KCNA2: variants seen among roughly 807,000 people sequenced by gnomAD.
The protein encoded by KCNA2 is potassium channel, voltage gated shaker related subfamily A, member 2.
A neutral mutation model predicts 33.4 loss-of-function variants in KCNA2; 11 were observed. The ratio of observed to expected loss-of-function variants is 0.33; its 90% CI spans 0.21 to 0.55. KCNA2 has a LOEUF of 0.55. Ranked by LOEUF, KCNA2 falls within the 20% of genes least tolerant of loss-of-function variation. KCNA2 has a pLI of 0.93. For synonymous variants in KCNA2, 222 were observed against 231.3 expected (o/e 0.96, Z 0.37); for missense variants, 291 against 621.6 (o/e 0.47, Z 5.66).
chr1:110,622,549 A>T (rs1650286606), intron 1 of KCNA2, among the ~76,000 whole-genome samples: 1 of 152,130 alleles, frequency 6.6e-6, no homozygotes, highest in African/African-American at 2.4e-5. Flanking sequence ...AAGAAGCAAA[A>T]TTATCTTTAT....
In KCNA2 at chr1:110,631,421, C is replaced by T. The variant is rs61784718; in HGVS notation, c.-522G>A. On this transcript the variant is annotated 5_prime_UTR_variant, in exon 1 of 5. Transcript: ENST00000369770. The stretch of plus-strand genomic sequence containing the variant: ...AACTTGAAAGCCCAGCGGAGGCTCT[C>T]CTGCAGAAGTCTTGGCGCTGGAAAC... 9.8e-3 allele frequency: 1,494 copies of T among 152,432 alleles called. 13 individuals are homozygous for T. The highest frequency in any genetic ancestry group is 0.024 in the Middle Eastern group (7 of 294). 9.4% of individuals were successfully genotyped at this position (152,432 alleles called of 1,614,324 possible). A position where few individuals can be genotyped will look rare whatever the true frequency, so the allele number is the denominator to read the frequency against.
chr1:110,597,383 G>A lies in KCNA2; in HGVS notation c.*5900C>T, dbSNP rs1649140054. On this transcript the variant is annotated 3_prime_UTR_variant, in exon 3 of 3. Transcript: ENST00000316361. ...ATTACATCTGCCAGACTGAGGGAAA[G>A]TCAACAAAATGGGCTGAAAAGGTCA... The A allele has an allele frequency of 1.0e-6, 1 of 985,340 alleles. No homozygotes were observed. The highest frequency in any genetic ancestry group is 1.2e-6 in the Non-Finnish European group (1 of 829,954). 61.0% of individuals were successfully genotyped at this position (985,340 alleles called of 1,614,324 possible).
chr1:110,618,305 C>G (rs1650137523), intron 1 of KCNA2, among the ~76,000 whole-genome samples: 1 of 152,220 alleles, frequency 6.6e-6, no homozygotes, highest in Non-Finnish European at 1.5e-5. Flanking sequence ...TATGATCGTG[C>G]CACTGCACTC....
At chr1:110,606,193 A>G (rs1305554443) in intron 1 of KCNA2, 35 bp downstream of exon 1, 1 of 152,548 alleles carries the variant, frequency 6.6e-6, no homozygotes. Context: ...CCCACACAAC[A>G]AAGTCTGCAC....
At chr1:110,612,242 G>A (rs1239412605) in intron 1 of KCNA2, among the ~76,000 whole-genome samples, 1 of 152,184 alleles carries the variant, frequency 6.6e-6, no homozygotes, top group African/African-American at 2.4e-5. Flanking sequence ...AAATGTGTCA[G>A]GTGATCTCAT....
intron 1 of KCNA2, among the ~76,000 whole-genome samples, chr1:110,620,097 A>T (rs369696244): frequency 2.6e-4 from 36 of 139,214 alleles, no homozygotes; most frequent in Non-Finnish European, 5.1e-4. Context: ...AGTGAGTGAG[A>T]GAGAGAGAGA....
chr1:110,617,728 G>A (rs1209759694), intron 1 of KCNA2, among the ~76,000 whole-genome samples: 1 of 152,194 alleles, frequency 6.6e-6, no homozygotes, highest in East Asian at 1.9e-4. Flanking sequence ...AGATGGGAGA[G>A]GGAGAGAGAG....
Position 110,599,484 on chromosome 1 carries a change from G to A in KCNA2, c.*3799C>T, listed in dbSNP as rs548273951. ...GCCCAACAAGAGGAAAAGGAAGAGC[G>A]TGCCCGGGATTGAACACACCCAGAG... On this transcript the variant is annotated 3_prime_UTR_variant, in exon 3 of 3. Coordinates refer to ENST00000316361, the MANE Select transcript of KCNA2 (RefSeq NM_004974.4). 168 of 985,302 alleles carry A rather than the reference G, an allele frequency of 1.7e-4. No individual in the cohort carries two copies. Among genetic ancestry groups the A allele is most frequent in the East Asian group, 3.4e-4 (3 of 8,816 alleles). The allele number at this position is 985,302 out of a possible 1,614,324, so 61.0% of individuals were successfully genotyped here.
chr1:110,616,209 T>A (rs962802108), intron 1 of KCNA2, among the ~76,000 whole-genome samples: 1 of 152,156 alleles, frequency 6.6e-6, no homozygotes, highest in Non-Finnish European at 1.5e-5. Context: ...GATCCCCAAG[T>A]CAGCCTGGAG....
At chr1:110,616,370 G>A (rs998009204) in intron 1 of KCNA2, among the ~76,000 whole-genome samples, 17 of 152,146 alleles carry the variant, frequency 1.1e-4, no homozygotes, top group African/African-American at 3.4e-4. Flanking sequence ...GTGGGACAGC[G>A]GGGTAGAGGG....
chr1:110,616,960 A>G (rs549214134), intron 1 of KCNA2, among the ~76,000 whole-genome samples: 150 of 152,398 alleles, frequency 9.8e-4, no homozygotes, highest in Non-Finnish European at 2.0e-3. Context: ...AGCACCTAAG[A>G]AGAGGAAAGC....
At chr1:110,621,182 G>T (rs1385053544) in intron 1 of KCNA2, among the ~76,000 whole-genome samples, 2 of 152,162 alleles carry the variant, frequency 1.3e-5, no homozygotes, top group Non-Finnish European at 2.9e-5. Flanking sequence ...TTGTTTGCTG[G>T]GTGGGTAAGT....
At chr1:110,609,918 C>T (rs1272358220), upstream of KCNA2, among the ~76,000 whole-genome samples, 3 of 152,176 alleles carry the variant, frequency 2.0e-5, no homozygotes, top group Admixed American at 6.5e-5. Context: ...CTGTTCGTTT[C>T]CTAGTTGGTC....
chr1:110,624,929 C>T (rs1428471042), intron 1 of KCNA2, among the ~76,000 whole-genome samples: 1 of 152,194 alleles, frequency 6.6e-6, no homozygotes, highest in Non-Finnish European at 1.5e-5. Flanking sequence ...ATAGGTCCTA[C>T]AGCCATTCAG....
At position 110,599,641 on chromosome 1, in the gene KCNA2, C is replaced by G; in HGVS notation, c.*3642G>C. 1.0e-6 allele frequency: 1 copy of G among 985,422 alleles called. No homozygotes were observed. The highest frequency in any genetic ancestry group is 1.2e-6 in the Non-Finnish European group (1 of 829,942). 61.0% of individuals were successfully genotyped at this position (985,422 alleles called of 1,614,324 possible). The stretch of plus-strand genomic sequence containing the variant: ...CTTCCTGACCGTGCCCCCAACAAAG[C>G]TGCAAAGGATGGAAGGGCAATAAAA... On this transcript the variant is annotated 3_prime_UTR_variant, in exon 3 of 3. Coordinates refer to ENST00000316361, the MANE Select transcript of KCNA2 (RefSeq NM_004974.4).
At position 110,597,039 on chromosome 1, in the gene KCNA2, A is replaced by G. The variant is rs1334788069; in HGVS notation, c.*6244T>C. The G allele has an allele frequency of 4.9e-5, 48 of 985,168 alleles. No homozygotes were observed. Among genetic ancestry groups the G allele is most frequent in the Non-Finnish European group, 5.5e-5 (46 of 829,916 alleles). 61.0% of individuals were successfully genotyped at this position (985,168 alleles called of 1,614,324 possible). A position where few individuals can be genotyped will look rare whatever the true frequency, so the allele number is the denominator to read the frequency against. ...ATTTCACTAATGTCATGCCCTAACC[A>G]CCCAAACTTCTATCCCTGTAGACTT... On this transcript the variant is annotated 3_prime_UTR_variant, in exon 3 of 3. Coordinates refer to ENST00000316361, the MANE Select transcript of KCNA2 (RefSeq NM_004974.4).
intron 1 of KCNA2, among the ~76,000 whole-genome samples, chr1:110,613,429 G>A (rs1475959702): frequency 6.6e-6 from 1 of 152,264 alleles, no homozygotes; most frequent in East Asian, 1.9e-4. Flanking sequence ...CCCTGGCAGT[G>A]TTTGTGAACC....
In KCNA2 at chr1:110,601,798, G is replaced by A. The variant is rs867303897; in HGVS notation, c.*1485C>T. 9,845 of 939,776 alleles carry A rather than the reference G, an allele frequency of 0.01. 290 individuals carry two copies. The African/African-American group carries it at 0.13, about 13-fold the overall frequency. 58.2% of individuals were successfully genotyped at this position (939,776 alleles called of 1,614,324 possible). A position where few individuals can be genotyped will look rare whatever the true frequency, so the allele number is the denominator to read the frequency against. On this transcript the variant is annotated 3_prime_UTR_variant, in exon 3 of 3. Transcript: ENST00000316361. ...AATGAATATATATATATATATATGT[G>A]TGTGTGTGTGTGTGTGTGTGTGTGT... is the stretch of plus-strand genomic sequence containing the variant.
At position 110,596,365 on chromosome 1, in the gene KCNA2, A is replaced by G; in HGVS notation, c.*6918T>C. 2.9e-6 allele frequency: 1 copy of G among 348,374 alleles called. No individual in the cohort carries two copies. Among genetic ancestry groups the G allele is most frequent in the South Asian group, 1.2e-4 (1 of 8,620 alleles). The allele number at this position is 348,374 out of a possible 1,614,324, so 21.6% of individuals were successfully genotyped here. On this transcript the variant is annotated 3_prime_UTR_variant, in exon 3 of 3. Coordinates refer to ENST00000316361, the MANE Select transcript of KCNA2 (RefSeq NM_004974.4). ...TATATATATATACACACATAAATAT[A>G]TGTATATATGGAAAACCTCTAAAAA...
Sources: allele counts gnomAD v4.1 joint callset (sites outside exome capture counted in the v4.1 genomes callset), GRCh38; gene constraint gnomAD v4.1.1; transcripts MANE v1.5; gene names NCBI Gene and HGNC (gene_info 2026-07-23, HGNC 2026-07-21).